Variants in WDPCP observed in about 807,000 individuals in gnomAD.
WDPCP encodes WD repeat containing planar cell polarity effector.
In WDPCP, 71 loss-of-function variants were observed where a neutral mutation model predicts 93.1. The observed-to-expected ratio is 0.76, with a 90% CI of 0.63 to 0.93. The LOEUF (loss-of-function observed/expected upper bound fraction) is 0.93. WDPCP is among the 40% of genes least tolerant of loss of function. The probability of loss-of-function intolerance (pLI) is 0.00; values close to 1 mark genes in which losing one functional copy is unlikely to be tolerated. For missense variants in WDPCP, 844 were observed against 887.4 expected (o/e 0.95, Z 0.62); for synonymous variants, 315 against 315.0 (o/e 1.00, Z 0.00).
intron 3 of WDPCP, among the ~76,000 whole-genome samples, chr2:63,645,919 G>A (rs1710042732): frequency 6.6e-6 from 1 of 152,048 alleles, no homozygotes; most frequent in South Asian, 2.1e-4. Context: ...GTTTCTTGTA[G>A]GCAAGGGATC....
chr2:63,771,816 T>C (rs1303595420), intron 2 of WDPCP, among the ~76,000 whole-genome samples: 1 of 152,054 alleles, frequency 6.6e-6, no homozygotes, highest in East Asian at 1.9e-4. Context: ...TCTTTTCCTG[T>C]ATTAATTCTT....
upstream of WDPCP, among the ~76,000 whole-genome samples, chr2:63,592,218 A>G (rs1159563334): frequency 1.3e-5 from 2 of 152,202 alleles, no homozygotes; most frequent in Non-Finnish European, 2.9e-5. Context: ...TCATCAGTGG[A>G]TTTATAAGGT....
intron 1 of WDPCP, among the ~76,000 whole-genome samples, chr2:63,578,183 G>C (rs974907940): frequency 6.6e-6 from 1 of 152,160 alleles, no homozygotes; most frequent in Non-Finnish European, 1.5e-5. Context: ...AACAATTTTA[G>C]TGAATAATAC....
chr2:63,219,139 A>T (rs1304641734), intron 14 of WDPCP, among the ~76,000 whole-genome samples: 1 of 152,186 alleles, frequency 6.6e-6, no homozygotes, highest in Non-Finnish European at 1.5e-5. Context: ...TTCCAGATGG[A>T]TGCTTTTACG....
At chr2:63,520,668 G>T (rs1702859212) in intron 1 of WDPCP, among the ~76,000 whole-genome samples, 2 of 152,084 alleles carry the variant, frequency 1.3e-5, no homozygotes, top group Non-Finnish European at 2.9e-5. Flanking sequence ...AAGATGGATG[G>T]ATCACTTGAG....
intron 6 of WDPCP, among the ~76,000 whole-genome samples, chr2:63,476,138 C>A (rs905896174): frequency 2.0e-5 from 3 of 152,236 alleles, no homozygotes; most frequent in Admixed American, 1.3e-4. Flanking sequence ...CTGGTTCTCA[C>A]GTGTTACCCT....
the WDPCP span, among the ~76,000 whole-genome samples, chr2:63,838,807 T>C: frequency 6.6e-6 from 1 of 152,210 alleles, no homozygotes; most frequent in African/African-American, 2.4e-5. Flanking sequence ...CCATGGCCAT[T>C]AAGAACTCCA....
chr2:63,200,474 T>G (rs1292781543), intron 14 of WDPCP, among the ~76,000 whole-genome samples: 3 of 152,100 alleles, frequency 2.0e-5, no homozygotes, highest in Non-Finnish European at 2.9e-5. Context: ...ATAAAGAAAA[T>G]GTGGTATATA....
chr2:63,279,549 A>G lies in WDPCP; in HGVS notation c.1813-20140T>C, dbSNP rs527612957. Among the ~76,000 whole-genome samples, 184 of 152,298 alleles carry G rather than the reference A, an allele frequency of 1.2e-3. 4 individuals carry two copies. In the South Asian group the frequency reaches 0.038, roughly 31 times the overall value. On this transcript the variant is annotated intron_variant, in intron 13 of 17. Coordinates refer to ENST00000272321, the MANE Select transcript of WDPCP (RefSeq NM_015910.7). Reference sequence around the variant, plus strand: ...AAAGCATTCCCCCTGAGAACTGGAAAAAGACAAGGATGCTCACTTTTACCA... The same window carrying G: ...AAAGCATTCCCCCTGAGAACTGGAAGAAGACAAGGATGCTCACTTTTACCA...
intron 15 of WDPCP, among the ~76,000 whole-genome samples, chr2:63,159,636 T>C (rs898075517): frequency 9.9e-5 from 15 of 152,210 alleles, no homozygotes; most frequent in Non-Finnish European, 1.9e-4. Flanking sequence ...ATGTTTAGGC[T>C]TCAAGTTACA....
At chr2:63,387,781 C>G (rs183434546) in intron 10 of WDPCP, among the ~76,000 whole-genome samples, 1 of 152,176 alleles carries the variant, frequency 6.6e-6, no homozygotes, top group East Asian at 1.9e-4. Context: ...CAAAGTTTCA[C>G]GATACAAAAC....
intron 12 of WDPCP, among the ~76,000 whole-genome samples, chr2:63,318,815 T>C (rs1396817472): frequency 1.3e-5 from 2 of 152,136 alleles, no homozygotes. Flanking sequence ...TCGAATACTA[T>C]GCTCATTAGT....
At chr2:63,776,102 CAT>C in intron 2 of WDPCP, among the ~76,000 whole-genome samples, 1 of 150,926 alleles carries the variant, frequency 6.6e-6, no homozygotes, top group Non-Finnish European at 1.5e-5. Context: ...TACATACATA[CAT>C]ACATACATAC....
At chr2:63,512,856 G>A (rs758742625) in intron 1 of WDPCP, among the ~76,000 whole-genome samples, 9 of 151,330 alleles carry the variant, frequency 5.9e-5, no homozygotes, top group Non-Finnish European at 1.3e-4. Context: ...CAAACCGCAC[G>A]TTCTGCACAT....
intron 6 of WDPCP, among the ~76,000 whole-genome samples, chr2:63,449,659 T>G (rs1698098634): frequency 6.6e-6 from 1 of 152,094 alleles, no homozygotes. Context: ...AACCCCGACA[T>G]TAGCATGGTG....
intron 12 of WDPCP, among the ~76,000 whole-genome samples, chr2:63,329,998 A>G (rs1687858856): frequency 6.6e-6 from 1 of 152,132 alleles, no homozygotes; most frequent in African/African-American, 2.4e-5. Flanking sequence ...CTTTTGAGGG[A>G]AAATTAGGTT....
intron 9 of WDPCP, among the ~76,000 whole-genome samples, chr2:63,421,793 T>C (rs1019720144): frequency 1.4e-4 from 22 of 152,136 alleles, no homozygotes; most frequent in Non-Finnish European, 2.6e-4. Flanking sequence ...ACATTACATG[T>C]AGTGGTAGTA....
intron 1 of WDPCP, among the ~76,000 whole-genome samples, chr2:63,523,843 G>A (rs1221388577): frequency 6.6e-6 from 1 of 152,146 alleles, no homozygotes; most frequent in Non-Finnish European, 1.5e-5. Context: ...CCCAGGAGGT[G>A]GAGGTTGTGG....
chr2:63,393,082 T>C (rs1236431396), intron 10 of WDPCP, among the ~76,000 whole-genome samples: 2 of 152,164 alleles, frequency 1.3e-5, no homozygotes, highest in Non-Finnish European at 2.9e-5. Flanking sequence ...TAAAGACACA[T>C]GCACACATGT....
Sources: gnomAD v4.1 joint callset for allele counts (sites outside exome capture counted in the v4.1 genomes callset) on GRCh38, gnomAD v4.1.1 for gene constraint, MANE v1.5 for transcripts, NCBI Gene and HGNC (gene_info 2026-07-23, HGNC 2026-07-21) for gene names.